The following GAS6 variants were observed in gnomAD, a reference collection of about 807,000 sequenced individuals.
The protein encoded by GAS6 is growth arrest specific 6, also known as growth arrest-specific protein 6.
A neutral mutation model predicts 75.8 loss-of-function variants in GAS6; 41 were observed. That is an observed-to-expected ratio of 0.54 (90% CI 0.42 to 0.70). The LOEUF (loss-of-function observed/expected upper bound fraction) is 0.70. GAS6 is among the 30% of genes least tolerant of loss of function. The probability of loss-of-function intolerance (pLI) is 0.00; values close to 1 mark genes in which losing one functional copy is unlikely to be tolerated. For synonymous variants in GAS6, 432 were observed against 412.6 expected (o/e 1.05, Z -0.57); for missense variants, 854 against 940.2 (o/e 0.91, Z 1.20).
rs371308916 is a variant in GAS6 at position 113,848,114 on chromosome 13, A to C, written c.256-64T>G. ...CACACTACGAGGGTCTCTGAACAACATAAGCATCAGCTGGTTAATCAGAGG... is the reference window on the plus strand; with the variant it reads ...CACACTACGAGGGTCTCTGAACAACCTAAGCATCAGCTGGTTAATCAGAGG... On this transcript the variant is annotated intron_variant, in intron 2 of 14. Transcript: ENST00000327773. This position sits in a 1 kb window ranked among gnomAD's most constrained non-coding sequence, Gnocchi z 4.8. 1 of 1,548,612 alleles carries C rather than the reference A, an allele frequency of 6.5e-7. No homozygotes were observed. Among genetic ancestry groups the C allele is most frequent in the Admixed American group, 1.8e-5 (1 of 54,164 alleles).
At chr13:113,856,251 C>T (rs2051913183) in intron 2 of GAS6, among the ~76,000 whole-genome samples, 2 of 152,216 alleles carry the variant, frequency 1.3e-5, no homozygotes, top group Admixed American at 6.5e-5. Flanking sequence ...TGCTCACAGT[C>T]GCCTGCACAC....
chr13:113,851,026 GGAAT>G (rs777373104), intron 2 of GAS6, among the ~76,000 whole-genome samples: 42 of 151,850 alleles, frequency 2.8e-4, no homozygotes, highest in Admixed American at 3.9e-4. Context: ...TGAGTGAATG[GGAAT>G]GAATGAATGG....
At chr13:113,860,288 G>A (rs149527820) in intron 2 of GAS6, among the ~76,000 whole-genome samples, 10 of 152,270 alleles carry the variant, frequency 6.6e-5, no homozygotes, top group Non-Finnish European at 8.8e-5. Context: ...ACCAGCCCTC[G>A]GTGAATATTG....
chr13:113,821,028 A>C lies in GAS6; in HGVS notation c.1883-10T>G, dbSNP rs1360406169. On this transcript the variant is annotated splice_polypyrimidine_tract_variant and intron_variant, in intron 14 of 14. Coordinates refer to ENST00000327773, the MANE Select transcript of GAS6 (RefSeq NM_000820.4). ...GAAGTCACCGGCACATCTGGGCCGCAGGGAGAGAACAACATATCTTAGCTC... is the reference window on the plus strand; with the variant it reads ...GAAGTCACCGGCACATCTGGGCCGCCGGGAGAGAACAACATATCTTAGCTC... 1.2e-6 allele frequency: 2 copies of C among 1,611,896 alleles called. No homozygotes were observed. The highest frequency in any genetic ancestry group is 1.7e-6 in the Non-Finnish European group (2 of 1,179,672).
At chr13:113,860,395 G>A (rs774095798) in intron 2 of GAS6, among the ~76,000 whole-genome samples, 1 of 152,194 alleles carries the variant, frequency 6.6e-6, no homozygotes, top group Non-Finnish European at 1.5e-5. Context: ...GCACAAACAG[G>A]CTCCCAGGCA....
chr13:113,853,723 C>A (rs74118421), intron 2 of GAS6, among the ~76,000 whole-genome samples: 19,099 of 152,220 alleles, frequency 0.13, 1,869 homozygotes, highest in African/African-American at 0.28. Flanking sequence ...AAGAACTTGA[C>A]TTCTATGAGA....
chr13:113,857,960 C>A (rs993438450), intron 2 of GAS6, among the ~76,000 whole-genome samples: 4 of 152,246 alleles, frequency 2.6e-5, no homozygotes, highest in African/African-American at 4.8e-5. Flanking sequence ...GAAGACGGCC[C>A]TCAGAGGAGG....
chr13:113,839,619 C>A, intron 5 of GAS6, 109 bp downstream of exon 5: 1 of 1,436,200 alleles, frequency 7.0e-7, no homozygotes, highest in South Asian at 1.3e-5. Context: ...TTGGGGCTGT[C>A]GGAGAGCAGC....
chr13:113,833,680 CCGGTGACAAGT>C, intron 8 of GAS6: 2 of 995,024 alleles, frequency 2.0e-6, no homozygotes, highest in East Asian at 1.2e-4. Flanking sequence ...GTGACAGACA[CCGGTGACAAGT>C]CAGTGTGACA....
chr13:113,835,965 G>A, intron 6 of GAS6: 8 of 1,104,158 alleles, frequency 7.2e-6, no homozygotes, highest in Non-Finnish European at 8.8e-6. Context: ...CAGGACACGG[G>A]GCCGTAAAAA....
intron 7 of GAS6, 91 bp downstream of exon 7, chr13:113,835,422 C>T (rs1363863049): frequency 2.9e-5 from 43 of 1,467,246 alleles, no homozygotes; most frequent in Admixed American, 3.6e-5. Flanking sequence ...CAGAAGCACC[C>T]GGTTGTTAGC....
chr13:113,851,197 G>T (rs2051871335), intron 2 of GAS6, among the ~76,000 whole-genome samples: 1 of 151,996 alleles, frequency 6.6e-6, no homozygotes, highest in Admixed American at 6.6e-5. Flanking sequence ...ATGAATAAAT[G>T]CGTAGATAGA....
At position 113,832,836 on chromosome 13, in the gene GAS6, G is replaced by T; in HGVS notation, c.835-84C>A. 3.8e-6 allele frequency: 6 copies of T among 1,598,902 alleles called. 1 individual carries two copies. The South Asian group carries it at 6.6e-5, about 18-fold the overall frequency. On this transcript the variant is annotated intron_variant, in intron 8 of 14. Transcript: ENST00000327773. ...GCCCCACGCCCCGGCCGCGCAGCGG[G>T]TCCACTGTCCCTCCTGTGCCTCGGG...
chr13:113,854,439 C>G (rs58308451), intron 2 of GAS6, among the ~76,000 whole-genome samples: 14,594 of 152,258 alleles, frequency 0.096, 914 homozygotes, highest in East Asian at 0.17. Context: ...GCCGAGACTC[C>G]CCCTGCATGG....
At chr13:113,827,730 C>T (rs1308289137) in intron 11 of GAS6, among the ~76,000 whole-genome samples, 2 of 152,160 alleles carry the variant, frequency 1.3e-5, no homozygotes, top group African/African-American at 2.4e-5. Context: ...CGAAGACATG[C>T]GTGCCTTTCT....
At chr13:113,826,408 CCGGCCTCCCGGCGCTGGCCTCG>C (rs2051540104) in intron 12 of GAS6, among the ~76,000 whole-genome samples, 1 of 146,804 alleles carries the variant, frequency 6.8e-6, no homozygotes, top group Non-Finnish European at 1.5e-5. Context: ...CCTTCTCTCC[CCGGCCTCCCGGCGCTGGCCTCG>C]CAGGCACCTT....
At chr13:113,851,127 GTAAA>G (rs2051870555) in intron 2 of GAS6, among the ~76,000 whole-genome samples, 3 of 151,812 alleles carry the variant, frequency 2.0e-5, no homozygotes, top group South Asian at 4.1e-4. Flanking sequence ...GGGTGGATGA[GTAAA>G]TGAATGGAGA....
chr13:113,823,115 G>GTTT (rs1197981632), intron 13 of GAS6: 1 of 413,260 alleles, frequency 2.4e-6, no homozygotes, highest in Non-Finnish European at 4.3e-6. Flanking sequence ...ACCGAACAGG[G>GTTT]GAAAAGCTCC....
At chr13:113,839,479 C>T (rs377509718) in intron 5 of GAS6, 19 of 458,494 alleles carry the variant, frequency 4.1e-5, no homozygotes, top group African/African-American at 1.0e-4. Context: ...TTTCCCCCCC[C>T]GCCCTTCAAT....
Sources: gnomAD v4.1 joint callset for allele counts (sites outside exome capture counted in the v4.1 genomes callset) on GRCh38, gnomAD v4.1.1 for gene constraint, Gnocchi (gnomAD v3.1) non-coding constraint, MANE v1.5 for transcripts, NCBI Gene and HGNC (gene_info 2026-07-23, HGNC 2026-07-21) for gene names.